Variants in CAPN8 observed in about 807,000 individuals in gnomAD.
The protein encoded by CAPN8 is calpain-8.
Under a neutral mutation model 80.9 loss-of-function variants are expected in CAPN8, and 87 were observed. The ratio of observed to expected loss-of-function variants is 1.07; its 90% CI spans 0.90 to 1.28. CAPN8 has a LOEUF of 1.28. CAPN8 is among the 50% of genes most tolerant of loss of function. The pLI is 0.00. For synonymous variants in CAPN8, 299 were observed against 273.8 expected (o/e 1.09, Z -0.91); for missense variants, 757 against 702.0 (o/e 1.08, Z -0.89).
At chr1:223,624,769 C>T (rs547609876) in intron 6 of CAPN8, among the ~76,000 whole-genome samples, 1 of 151,492 alleles carries the variant, frequency 6.6e-6, no homozygotes, top group African/African-American at 2.4e-5. Flanking sequence ...ACCTTAAATC[C>T]CTTTTGAAAG....
rs1657558540 is a variant in CAPN8 at position 223,625,870 on chromosome 1, C to T, written c.748G>A (p.Ala250Thr). The change falls in exon 6 of 21, where the codon GCC becomes ACC. Residue 250 changes from alanine to threonine, a missense_variant. Transcript: ENST00000366872. ...AGCTTCTGGCTGGTGATGGCTTCGG[C>T]TTCGGCTGCACTGGAGACCTGCGTA... ...CSIDVSSAAE[A>T]EAITSQKLVK... is the part of the protein sequence containing the mutation. 1.3e-6 allele frequency: 2 copies of T among 1,551,440 alleles called. No homozygotes were observed. The highest frequency in any genetic ancestry group is 2.0e-5 in the Admixed American group (1 of 50,976).
At chr1:223,554,583 A>G (rs980829356) in intron 13 of CAPN8, among the ~76,000 whole-genome samples, 8 of 147,720 alleles carry the variant, frequency 5.4e-5, no homozygotes, top group African/African-American at 2.0e-4. Flanking sequence ...GCGAGACCTT[A>G]TATCAGAAAA....
intron 10 of CAPN8, among the ~76,000 whole-genome samples, chr1:223,614,414 G>T (rs1163676498): frequency 1.4e-5 from 2 of 145,528 alleles, no homozygotes; most frequent in Admixed American, 6.9e-5. Flanking sequence ...AAAAAAAAAA[G>T]GTAGGCCTGA....
Position 223,665,523 on chromosome 1 carries a change from A to C in CAPN8, c.124T>G (p.Ser42Ala). The part of the protein sequence containing the change: ...FKTLRQQCLD[S>A]GVLFKDPEFP... ...TCAGGGTCCTTAAATAGGACCCCTGAGTCCAAGCACTGTTGCCTCAGGGTC... is the reference window on the plus strand; with the variant it reads ...TCAGGGTCCTTAAATAGGACCCCTGCGTCCAAGCACTGTTGCCTCAGGGTC... The change falls in exon 1 of 21, where the codon TCA becomes GCA. Residue 42 changes from serine to alanine, a missense_variant. By Grantham distance (99) the Ser-to-Ala change is moderately conservative. Transcript: ENST00000366872. The C allele has an allele frequency of 6.4e-7, 1 of 1,551,768 alleles. No homozygotes were observed. The highest frequency in any genetic ancestry group is 1.7e-4 in the Middle Eastern group (1 of 5,992).
intron 7 of CAPN8, among the ~76,000 whole-genome samples, chr1:223,621,243 CTTTT>C (rs34761307): frequency 1.3e-4 from 18 of 143,734 alleles, no homozygotes; most frequent in Admixed American, 2.7e-4. Flanking sequence ...CTTTTTTTTA[CTTTT>C]TTTTTTTTTT....
intron 2 of CAPN8, among the ~76,000 whole-genome samples, chr1:223,649,286 A>G (rs1658275891): frequency 6.6e-6 from 1 of 152,202 alleles, no homozygotes; most frequent in African/African-American, 2.4e-5. Flanking sequence ...CTGCCTGTGG[A>G]TGCACTCAGG....
At chr1:223,658,853 A>G (rs1006085504) in intron 1 of CAPN8, among the ~76,000 whole-genome samples, 3 of 152,158 alleles carry the variant, frequency 2.0e-5, no homozygotes, top group Admixed American at 2.0e-4. Flanking sequence ...AGGAGATTCC[A>G]TCTCACTACG....
At chr1:223,661,315 C>T (rs533634386) in intron 1 of CAPN8, among the ~76,000 whole-genome samples, 2 of 152,216 alleles carry the variant, frequency 1.3e-5, no homozygotes, top group South Asian at 4.2e-4. Flanking sequence ...ACCTCACACC[C>T]ATTAGAATGG....
chr1:223,624,903 G>A (rs1657518218), intron 6 of CAPN8, among the ~76,000 whole-genome samples: 1 of 151,926 alleles, frequency 6.6e-6, no homozygotes, highest in East Asian at 1.9e-4. Context: ...GACCATCCTG[G>A]CTGACACAGT....
chr1:223,620,221 C>T lies in CAPN8; in HGVS notation c.945G>A (p.Leu315=). 1.3e-6 allele frequency: 2 copies of T among 1,551,666 alleles called. No homozygotes were observed. The highest frequency in any genetic ancestry group is 1.7e-6 in the Non-Finnish European group (2 of 1,146,990). Residue 315 remains leucine, a synonymous_variant, in exon 8 of 21, where the codon CTG becomes CTA. Transcript: ENST00000366872. ...NHIDPRRKEE[L]DKKVEDGEFW... ...ATTCTCCATCCTCAACTTTCTTGTC[C>T]AGTTCTTCCTTCCGCCGGGGGTCTA...
intron 10 of CAPN8, among the ~76,000 whole-genome samples, chr1:223,614,124 T>G (rs1411359842): frequency 6.6e-6 from 1 of 152,080 alleles, no homozygotes; most frequent in Non-Finnish European, 1.5e-5. Flanking sequence ...CCTGGCTGAG[T>G]GCAGTGGCTC....
intron 2 of CAPN8, among the ~76,000 whole-genome samples, chr1:223,638,499 T>C (rs1430224612): frequency 1.3e-5 from 2 of 152,216 alleles, no homozygotes; most frequent in African/African-American, 4.8e-5. Flanking sequence ...TCTTGTTTAA[T>C]GTTCCCCCGT....
intron 16 of CAPN8, among the ~76,000 whole-genome samples, chr1:223,548,092 A>C (rs921696929): frequency 1.3e-5 from 2 of 152,152 alleles, no homozygotes; most frequent in Non-Finnish European, 2.9e-5. Context: ...TCTGCATGAC[A>C]ACCATGCAAA....
intron 2 of CAPN8, 118 bp downstream of exon 2, chr1:223,654,212 G>A (rs1181247524): frequency 6.0e-6 from 5 of 833,078 alleles, no homozygotes; most frequent in South Asian, 5.3e-5. Context: ...AAACCCAGAC[G>A]GACACATCAG....
chr1:223,654,095 T>A (rs1658413889), intron 2 of CAPN8, among the ~76,000 whole-genome samples: 1 of 152,194 alleles, frequency 6.6e-6, no homozygotes, highest in African/African-American at 2.4e-5. Context: ...TTAAATGAAC[T>A]GGCAAAATCT....
At position 223,619,342 on chromosome 1, in the gene CAPN8, G is replaced by A. The variant is rs751395423; in HGVS notation, c.1086C>T (p.Asn362=). 62 of 1,551,592 alleles carry A rather than the reference G, an allele frequency of 4.0e-5. No homozygotes were observed. The highest frequency in any genetic ancestry group is 1.2e-4 in the East Asian group (5 of 40,928). The change falls in exon 9 of 21, where the codon AAC becomes AAT. Residue 362 remains asparagine, a synonymous_variant. Transcript: ENST00000366872. Reference sequence around the variant, plus strand: ...CTGTGGAGCCCCGGGTCCAGTGGCCGTTGAACAGGACCAGGTTCCATTTGT... The same window carrying A: ...CTGTGGAGCCCCGGGTCCAGTGGCCATTGAACAGGACCAGGTTCCATTTGT... ...EVHKWNLVLF[N]GHWTRGSTAG...
Position 223,609,300 on chromosome 1 carries a change from C to T in CAPN8, c.1388G>A (p.Arg463His), listed in dbSNP as rs1446354939. The T allele has an allele frequency of 2.5e-5, 10 of 398,410 alleles. No individual in the cohort carries two copies. The highest frequency in any genetic ancestry group is 2.5e-4 in the South Asian group (2 of 7,862). 24.7% of individuals were successfully genotyped at this position (398,410 alleles called of 1,614,324 possible). A position where few individuals can be genotyped will look rare whatever the true frequency, so the allele number is the denominator to read the frequency against. ...CCGCAGGTTGACGTAGGTGCTGGTG[C>T]GGGCTGAGGGCTGGTAGGCCAGGAA... ...DFFLAYQPSA[R>H]TSTYVNLREV... Residue 463 changes from arginine to histidine, a missense_variant, in exon 12 of 21, where the codon CGC (arginine) becomes CAC (histidine). Arg to His is a conservative substitution (Grantham distance 29). Transcript: ENST00000366872.
intron 20 of CAPN8, 66 bp from the exon 21 acceptor site, chr1:223,541,925 G>A (rs1208233106): frequency 1.3e-6 from 2 of 1,550,670 alleles, no homozygotes; most frequent in Non-Finnish European, 8.7e-7. Context: ...CACCATTGAT[G>A]CTCTCCTGCC....
chr1:223,616,259 A>C, intron 9 of CAPN8, 114 bp from the exon 10 acceptor site: 1 of 1,209,578 alleles, frequency 8.3e-7, no homozygotes, highest in Non-Finnish European at 1.1e-6. Context: ...CTCCATCCAA[A>C]CTGTGCCTAG....
Sources: gnomAD v4.1 joint callset for allele counts (sites outside exome capture counted in the v4.1 genomes callset) on GRCh38, gnomAD v4.1.1 for gene constraint, MANE v1.5 for transcripts, NCBI Gene and HGNC (gene_info 2026-07-23, HGNC 2026-07-21) for gene names.